Variants in ADGRL2 observed in about 807,000 individuals in gnomAD.
The protein encoded by ADGRL2 is adhesion G protein-coupled receptor L2.
ADGRL2 carries 44 observed loss-of-function variants against 157.4 expected under a neutral mutation model. That is an observed-to-expected ratio of 0.28 (90% CI 0.22 to 0.36). The LOEUF (loss-of-function observed/expected upper bound fraction) is 0.36, where lower values mean the gene tolerates loss of function less well. Among genes scored for constraint, ADGRL2 ranks in the 10% least tolerant of loss-of-function variants. ADGRL2 has a pLI of 1.00. For missense variants in ADGRL2, 1,510 were observed against 1,768.9 expected (o/e 0.85, Z 2.63); for synonymous variants, 585 against 624.7 (o/e 0.94, Z 0.95).
intron 1 of ADGRL2, among the ~76,000 whole-genome samples, chr1:81,390,696 G>T (rs1294057722): frequency 2.0e-5 from 3 of 152,310 alleles, no homozygotes; most frequent in African/African-American, 4.8e-5. Flanking sequence ...ATGGCAATTT[G>T]ATCTTCTCTC....
At chr1:81,655,020 C>G (rs942597291) in intron 3 of ADGRL2, among the ~76,000 whole-genome samples, 1 of 152,176 alleles carries the variant, frequency 6.6e-6, no homozygotes, top group African/African-American at 2.4e-5. Flanking sequence ...GTGATCTCAC[C>G]TCACTGCAAC....
intron 2 of ADGRL2, among the ~76,000 whole-genome samples, chr1:81,869,913 G>T (rs2093648241): frequency 6.6e-6 from 1 of 151,988 alleles, no homozygotes; most frequent in Admixed American, 6.6e-5. Flanking sequence ...TTAGCTATTT[G>T]ATCTACATTG....
At chr1:81,408,058 C>T (rs1441195846) in intron 1 of ADGRL2, among the ~76,000 whole-genome samples, 1 of 152,110 alleles carries the variant, frequency 6.6e-6, no homozygotes, top group African/African-American at 2.4e-5. Context: ...AAGGAAGAGG[C>T]CCTGTCTTTC....
At chr1:81,687,621 T>G (rs1254769615) in intron 3 of ADGRL2, among the ~76,000 whole-genome samples, 3 of 152,232 alleles carry the variant, frequency 2.0e-5, no homozygotes, top group Non-Finnish European at 4.4e-5. Flanking sequence ...AGTGGAGCAT[T>G]TAGGCCATTT....
Position 81,847,192 on chromosome 1 carries a change from G to A in ADGRL2, c.73+10135G>A, listed in dbSNP as rs544389388. Among the ~76,000 whole-genome samples the A allele has an allele frequency of 4.6e-5, 7 of 151,946 alleles. No individual in the cohort carries two copies. The East Asian group carries it at 1.4e-3, about 29-fold the overall frequency. On this transcript the variant is annotated intron_variant, in intron 2 of 23. Coordinates refer to ENST00000686636, the MANE Select transcript of ADGRL2 (RefSeq NM_001366006.2). ...GTACAGCCGCAGAAGAAAGATGATG[G>A]AGGTCATGCTGGGCTTTAAACATCT...
At position 81,898,482 on chromosome 1, in the gene ADGRL2, T is replaced by C. The variant is rs1380807012; in HGVS notation, c.74-8535T>C. 3.0e-4 allele frequency among the ~76,000 whole-genome samples: 45 copies of C among 152,194 alleles called. 1 individual carries two copies. The highest frequency in any genetic ancestry group is 2.9e-3 in the Admixed American group (45 of 15,264). ...ACAGGTGAAAGGAATTACGTATAAG[T>C]AAGCACAAAAAAGTAGATGTTTTAG... On this transcript the variant is annotated intron_variant, in intron 2 of 23. Coordinates refer to ENST00000686636, the MANE Select transcript of ADGRL2 (RefSeq NM_001366006.2).
chr1:81,526,800 A>G (rs944898241), intron 2 of ADGRL2, among the ~76,000 whole-genome samples: 6 of 152,242 alleles, frequency 3.9e-5, no homozygotes, highest in Non-Finnish European at 7.3e-5. Context: ...ATATTTGGAA[A>G]CTGTAAATTA....
intron 2 of ADGRL2, among the ~76,000 whole-genome samples, chr1:81,861,842 C>T (rs2093398879): frequency 6.6e-6 from 1 of 151,424 alleles, no homozygotes; most frequent in Non-Finnish European, 1.5e-5. Context: ...GAGATTGCAC[C>T]ACCACACTCC....
Position 81,411,561 on chromosome 1 carries a change from TTCTAG to T in ADGRL2, c.-301-33474_-301-33470del, listed in dbSNP as rs1484907766. On this transcript the variant is annotated intron_variant, in intron 1 of 24. Transcript: ENST00000370721. ...TTTGAACTCAGGAATCTGAGTGAAT[TTCTAG>T]AGGTTTTCCTCACTACTGGAAATAG... 7.2e-5 allele frequency among the ~76,000 whole-genome samples: 11 copies of T among 152,286 alleles called. No homozygotes were observed. The South Asian group carries it at 2.3e-3, about 32-fold the overall frequency.
chr1:81,831,317 C>G (rs553372276), intron 1 of ADGRL2, among the ~76,000 whole-genome samples: 56 of 152,184 alleles, frequency 3.7e-4, no homozygotes, highest in African/African-American at 1.3e-3. Context: ...TAGGATAGCT[C>G]AACTGGAAAT....
intron 1 of ADGRL2, among the ~76,000 whole-genome samples, chr1:81,391,873 A>G (rs547371086): frequency 6.6e-6 from 1 of 152,326 alleles, no homozygotes; most frequent in East Asian, 1.9e-4. Flanking sequence ...CTAATATAAT[A>G]AAAATATTAA....
intron 2 of ADGRL2, among the ~76,000 whole-genome samples, chr1:81,793,449 T>C (rs1466822316): frequency 6.6e-6 from 1 of 152,120 alleles, no homozygotes; most frequent in African/African-American, 2.4e-5. Flanking sequence ...AATCATAAAT[T>C]TAATGGCATA....
chr1:81,866,850 G>T (rs1432817178), intron 2 of ADGRL2, among the ~76,000 whole-genome samples: 1 of 152,032 alleles, frequency 6.6e-6, no homozygotes, highest in East Asian at 1.9e-4. Context: ...TCTGATATTT[G>T]GGATGTATGG....
intron 2 of ADGRL2, among the ~76,000 whole-genome samples, chr1:81,788,439 C>G (rs1040195941): frequency 9.2e-5 from 14 of 152,142 alleles, no homozygotes; most frequent in African/African-American, 3.4e-4. Context: ...GTCTGCTCCC[C>G]CTTTGCCTTC....
At chr1:81,432,966 T>G (rs941991659) in intron 1 of ADGRL2, among the ~76,000 whole-genome samples, 1 of 152,152 alleles carries the variant, frequency 6.6e-6, no homozygotes, top group African/African-American at 2.4e-5. Context: ...TCTGTGGAAA[T>G]ATGTACCTTG....
chr1:81,420,647 G>T (rs12142435), intron 1 of ADGRL2, among the ~76,000 whole-genome samples: 27,649 of 152,000 alleles, frequency 0.18, 3,152 homozygotes, highest in East Asian at 0.46. Context: ...ATCTTTATCT[G>T]GCATAATTAT....
chr1:81,368,684 G>A lies in ADGRL2; in HGVS notation c.-302+62175G>A, dbSNP rs189820200. ...ATTTCAACATCTACCTTTAATGTCT[G>A]TTCTTCACACTTTACACTGCTACAG... On this transcript the variant is annotated intron_variant, in intron 1 of 24. Coordinates refer to the ADGRL2 transcript ENST00000370721. Among the ~76,000 whole-genome samples, 3 of 152,240 alleles carry A rather than the reference G, an allele frequency of 2.0e-5. No individual in the cohort carries two copies. The East Asian group carries it at 5.8e-4, about 29-fold the overall frequency.
chr1:81,915,034 G>C (rs560648133), intron 3 of ADGRL2, among the ~76,000 whole-genome samples: 2 of 152,244 alleles, frequency 1.3e-5, no homozygotes, highest in East Asian at 3.9e-4. Flanking sequence ...TTATGACCCT[G>C]CTTATCAAAT....
intron 1 of ADGRL2, among the ~76,000 whole-genome samples, chr1:81,742,937 G>A (rs1473535575): frequency 1.3e-5 from 2 of 151,922 alleles, no homozygotes; most frequent in Non-Finnish European, 2.9e-5. Flanking sequence ...GGCAAGTTCA[G>A]TACTAACACT....
Sources: allele counts gnomAD v4.1 joint callset (sites outside exome capture counted in the v4.1 genomes callset), GRCh38; gene constraint gnomAD v4.1.1; transcripts MANE v1.5; gene names NCBI Gene and HGNC (gene_info 2026-07-23, HGNC 2026-07-21).